OPCML: variants seen among roughly 807,000 people sequenced by gnomAD.
OPCML encodes the protein opioid-binding protein/cell adhesion molecule.
A neutral mutation model predicts 37.8 loss-of-function variants in OPCML; 13 were observed. The observed-to-expected ratio is 0.34, with a 90% confidence interval of 0.22 to 0.55. The LOEUF is 0.55. OPCML is among the 20% of genes least tolerant of loss of function. OPCML has a pLI of 0.91. For synonymous variants in OPCML, 176 were observed against 168.8 expected, an observed-to-expected ratio of 1.04 and a Z score of -0.33; for missense variants, 341 against 435.6, an observed-to-expected ratio of 0.78 and a Z score of 1.93.
chr11:132,739,206 T>A (rs953333105), intron 2 of OPCML, among the ~76,000 whole-genome samples: 1 of 152,230 alleles, frequency 6.6e-6, no homozygotes, highest in African/African-American at 2.4e-5. Context: ...TCCTCTGTCT[T>A]GTCACTTCCC....
At chr11:132,850,796 T>C (rs1941775908) in intron 2 of OPCML, among the ~76,000 whole-genome samples, 1 of 152,208 alleles carries the variant, frequency 6.6e-6, no homozygotes, top group Non-Finnish European at 1.5e-5. Flanking sequence ...CATACAATAA[T>C]AATAATCCAG....
chr11:132,737,856 G>A (rs1945311342), intron 2 of OPCML, among the ~76,000 whole-genome samples: 1 of 152,144 alleles, frequency 6.6e-6, no homozygotes, highest in South Asian at 2.1e-4. Flanking sequence ...AAGAGAGTTG[G>A]GCAACCAGAG....
chr11:133,187,161 C>G (rs921920037), intron 1 of OPCML, among the ~76,000 whole-genome samples: 1 of 152,162 alleles, frequency 6.6e-6, no homozygotes, highest in Non-Finnish European at 1.5e-5. Context: ...GGGAGACCAT[C>G]AGGAAGGGAC....
At chr11:133,020,926 C>A (rs1947439137) in intron 1 of OPCML, among the ~76,000 whole-genome samples, 1 of 152,062 alleles carries the variant, frequency 6.6e-6, no homozygotes, top group African/African-American at 2.4e-5. Context: ...TTTTCTCCTT[C>A]CCACTTGGCA....
chr11:132,823,002 G>T (rs1417542586), intron 2 of OPCML, among the ~76,000 whole-genome samples: 1 of 152,110 alleles, frequency 6.6e-6, no homozygotes, highest in Non-Finnish European at 1.5e-5. Context: ...AATATTCATT[G>T]TTATTAAACA....
chr11:132,974,759 C>G (rs1319452142), intron 1 of OPCML, among the ~76,000 whole-genome samples: 1 of 152,078 alleles, frequency 6.6e-6, no homozygotes, highest in Non-Finnish European at 1.5e-5. Context: ...CTCGAGACTT[C>G]TCTGTATCCT....
At chr11:132,629,183 C>T (rs1338146458) in intron 3 of OPCML, among the ~76,000 whole-genome samples, 6 of 152,092 alleles carry the variant, frequency 3.9e-5, no homozygotes, top group East Asian at 1.9e-4. Context: ...CTTGGTCCTG[C>T]GTCATACGCT....
intron 1 of OPCML, among the ~76,000 whole-genome samples, chr11:133,042,048 G>C (rs560420015): frequency 5.9e-5 from 9 of 152,100 alleles, no homozygotes; most frequent in Non-Finnish European, 1.2e-4. Flanking sequence ...GCTGGGGGGT[G>C]GGGGGAGCCT....
chr11:132,548,315 G>T (rs752680288), intron 3 of OPCML, among the ~76,000 whole-genome samples: 1 of 152,126 alleles, frequency 6.6e-6, no homozygotes, highest in Non-Finnish European at 1.5e-5. Context: ...TGAAGAATTT[G>T]CCCTAGCTTA....
chr11:132,456,114 C>A (rs996286372), intron 4 of OPCML, among the ~76,000 whole-genome samples: 37 of 152,286 alleles, frequency 2.4e-4, no homozygotes, highest in African/African-American at 7.7e-4. Context: ...CACCGTCTCT[C>A]CTCGCTTTCT....
chr11:133,454,474 G>A (rs1946637782), intron 1 of OPCML, among the ~76,000 whole-genome samples: 1 of 152,136 alleles, frequency 6.6e-6, no homozygotes, highest in Non-Finnish European at 1.5e-5. Context: ...TGGAAAATAG[G>A]ATCAATATTT....
At chr11:132,749,424 A>C (rs535721179) in intron 2 of OPCML, among the ~76,000 whole-genome samples, 1 of 152,272 alleles carries the variant, frequency 6.6e-6, no homozygotes, top group African/African-American at 2.4e-5. Context: ...AAGGAGGAAA[A>C]GGTTGGCAGG....
chr11:133,317,637 T>C (rs1232570032), intron 1 of OPCML, among the ~76,000 whole-genome samples: 1 of 152,254 alleles, frequency 6.6e-6, no homozygotes, highest in Non-Finnish European at 1.5e-5. Context: ...CATATGTTTA[T>C]GGAGTATTTA....
intron 4 of OPCML, among the ~76,000 whole-genome samples, chr11:132,501,126 C>T (rs1313448478): frequency 1.3e-5 from 2 of 152,202 alleles, no homozygotes; most frequent in Non-Finnish European, 2.9e-5. Flanking sequence ...TGAGGAATCA[C>T]CACACTGTCT....
At chr11:133,514,554 A>G (rs1306252472) in intron 1 of OPCML, among the ~76,000 whole-genome samples, 1 of 152,204 alleles carries the variant, frequency 6.6e-6, no homozygotes. Context: ...TTAGGTTAGA[A>G]GTAACCTAAA....
At chr11:132,731,824 A>T (rs775998705) in intron 2 of OPCML, among the ~76,000 whole-genome samples, 18 of 152,204 alleles carry the variant, frequency 1.2e-4, no homozygotes, top group Non-Finnish European at 2.4e-4. Flanking sequence ...AAAGAAATAC[A>T]ATTGTCAACT....
intron 4 of OPCML, among the ~76,000 whole-genome samples, chr11:132,469,571 GTA>G (rs1377574203): frequency 1.4e-5 from 2 of 145,204 alleles, no homozygotes; most frequent in Admixed American, 6.9e-5. Flanking sequence ...CTGTGTGTGT[GTA>G]TATGTGTATG....
chr11:133,384,808 C>T (rs773325742), intron 1 of OPCML, among the ~76,000 whole-genome samples: 14 of 152,228 alleles, frequency 9.2e-5, no homozygotes, highest in Admixed American at 9.2e-4. Flanking sequence ...GACATGTGAC[C>T]TCCTGGATCT....
At chr11:132,955,092 G>T (rs1257969246) in intron 1 of OPCML, among the ~76,000 whole-genome samples, 1 of 152,158 alleles carries the variant, frequency 6.6e-6, no homozygotes, top group Non-Finnish European at 1.5e-5. Flanking sequence ...TGGAACCCCA[G>T]GTGTGGAGAA....
Sources: allele counts gnomAD v4.1 joint callset (sites outside exome capture counted in the v4.1 genomes callset), GRCh38; gene constraint gnomAD v4.1.1; transcripts MANE v1.5; gene names NCBI Gene and HGNC (gene_info 2026-07-23, HGNC 2026-07-21).